RPS6KA2: variants seen among roughly 807,000 people sequenced by gnomAD.
The protein encoded by RPS6KA2 is ribosomal protein S6 kinase alpha-2.
Under a neutral mutation model 91.8 loss-of-function variants are expected in RPS6KA2, and 42 were observed. The observed-to-expected ratio is 0.46, with a 90% CI of 0.36 to 0.59. RPS6KA2 has a LOEUF of 0.59. Among genes scored for constraint, RPS6KA2 ranks in the 20% least tolerant of loss-of-function variants. The probability of loss-of-function intolerance (pLI) is 0.00; values close to 1 mark genes in which losing one functional copy is unlikely to be tolerated. For missense variants in RPS6KA2, 798 were observed against 978.5 expected, an observed-to-expected ratio of 0.82 and a Z score of 2.46; for synonymous variants, 414 against 393.6, an observed-to-expected ratio of 1.05 and a Z score of -0.61.
chr6:166,715,682 G>T (rs1273265854), intron 2 of RPS6KA2, among the ~76,000 whole-genome samples: 1 of 152,182 alleles, frequency 6.6e-6, no homozygotes, highest in African/African-American at 2.4e-5. Context: ...GCCGGAGCCT[G>T]CACACACACG....
At chr6:166,604,512 G>A (rs1026968103) in intron 1 of RPS6KA2, among the ~76,000 whole-genome samples, 6 of 152,210 alleles carry the variant, frequency 3.9e-5, no homozygotes, top group East Asian at 1.9e-4. Flanking sequence ...ACTGGGGATC[G>A]TAAGGGAGCT....
At chr6:166,471,837 C>T (rs1307139883) in intron 10 of RPS6KA2, among the ~76,000 whole-genome samples, 2 of 152,234 alleles carry the variant, frequency 1.3e-5, no homozygotes, top group African/African-American at 2.4e-5. Flanking sequence ...CCTGCTGAGG[C>T]CCCTCCGGGT....
intron 2 of RPS6KA2, among the ~76,000 whole-genome samples, chr6:166,792,152 TA>T (rs1562442393): frequency 6.6e-6 from 1 of 151,134 alleles, no homozygotes; most frequent in Non-Finnish European, 1.5e-5. Context: ...AGAGATGCAA[TA>T]AAAAGTGATA....
intron 1 of RPS6KA2, among the ~76,000 whole-genome samples, chr6:166,547,299 C>T (rs901491560): frequency 6.6e-5 from 10 of 152,162 alleles, no homozygotes; most frequent in Non-Finnish European, 1.3e-4. Flanking sequence ...TTGGGCTCTG[C>T]AAGGAAAGGC....
At chr6:166,780,691 G>A (rs1246554555) in intron 2 of RPS6KA2, among the ~76,000 whole-genome samples, 1 of 152,112 alleles carries the variant, frequency 6.6e-6, no homozygotes, top group East Asian at 1.9e-4. Context: ...CCCAGATGTC[G>A]AAGGTCTCCT....
At chr6:166,504,395 A>G (rs1782125065) in intron 6 of RPS6KA2, 111 bp downstream of exon 6, 1 of 663,692 alleles carries the variant, frequency 1.5e-6, no homozygotes, top group Admixed American at 2.9e-5. Context: ...CTGCTCTCTG[A>G]TATGTCCTCA....
chr6:166,425,977 A>G (rs1778902839), intron 16 of RPS6KA2, among the ~76,000 whole-genome samples: 2 of 151,578 alleles, frequency 1.3e-5, no homozygotes, highest in Admixed American at 1.3e-4. Context: ...AGAACTCTCC[A>G]CCCCAAATCA....
At position 166,784,692 on chromosome 6, in the gene RPS6KA2, C is replaced by T. The variant is rs6908557; in HGVS notation, c.123+73508G>A. Among the ~76,000 whole-genome samples the T allele has an allele frequency of 5.4e-5, 4 of 74,180 alleles. 2 individuals are homozygous for T. The highest frequency in any genetic ancestry group is 1.1e-4 in the Non-Finnish European group (4 of 38,072). The allele number at this position is 74,180 out of a possible 152,430, so 48.7% of individuals were successfully genotyped here. ...CACCTATCTATACCACATATATACA[C>T]GTGCACACCTATGCATAACCACATA... On this transcript the variant is annotated intron_variant, in intron 2 of 21. Coordinates refer to the RPS6KA2 transcript ENST00000503859.
chr6:166,809,885 C>T (rs1025359898), intron 2 of RPS6KA2, among the ~76,000 whole-genome samples: 35 of 152,214 alleles, frequency 2.3e-4, no homozygotes, highest in African/African-American at 7.2e-4. Flanking sequence ...CAGCCTTACT[C>T]GTGGCCATGT....
At chr6:166,562,144 G>A (rs1300788975) in intron 1 of RPS6KA2, among the ~76,000 whole-genome samples, 1 of 152,088 alleles carries the variant, frequency 6.6e-6, no homozygotes, top group African/African-American at 2.4e-5. Context: ...TACAGGACAC[G>A]CAGCTTGAGG....
chr6:166,512,992 G>A (rs1782522281), intron 3 of RPS6KA2, among the ~76,000 whole-genome samples: 1 of 152,104 alleles, frequency 6.6e-6, no homozygotes. Flanking sequence ...TACAGCAGGG[G>A]TGTCCAATCT....
intron 1 of RPS6KA2, among the ~76,000 whole-genome samples, chr6:166,542,036 C>T (rs1447831112): frequency 1.3e-5 from 2 of 152,212 alleles, no homozygotes; most frequent in Non-Finnish European, 1.5e-5. Flanking sequence ...TTAGCTTGAA[C>T]TTGCTGGAGG....
At chr6:166,844,804 C>A (rs1389425597) in intron 2 of RPS6KA2, among the ~76,000 whole-genome samples, 1 of 152,026 alleles carries the variant, frequency 6.6e-6, no homozygotes, top group South Asian at 2.1e-4. Context: ...TCTAAATACA[C>A]CAAAATAGAA....
chr6:166,547,935 C>T (rs1247475066), intron 1 of RPS6KA2, among the ~76,000 whole-genome samples: 2 of 152,236 alleles, frequency 1.3e-5, no homozygotes, highest in South Asian at 2.1e-4. Context: ...AGGGACCTCA[C>T]TCCTCAGAAT....
At chr6:166,456,447 G>A (rs1780109705) in intron 12 of RPS6KA2, among the ~76,000 whole-genome samples, 1 of 152,232 alleles carries the variant, frequency 6.6e-6, no homozygotes, top group Non-Finnish European at 1.5e-5. Context: ...GGTCCTGTGG[G>A]TATTTCCTGA....
Position 166,420,789 on chromosome 6 carries a change from T to G in RPS6KA2, c.1744-831A>C, listed in dbSNP as rs182746319. On this transcript the variant is annotated intron_variant, in intron 17 of 20. Coordinates refer to ENST00000265678, the MANE Select transcript of RPS6KA2 (RefSeq NM_021135.6). ...TTCTGGGCTACGTGATAACATTTAA[T>G]TTTTTTGAAGAACTGTTAAAGCAGC... Among the ~76,000 whole-genome samples the G allele has an allele frequency of 2.3e-3, 347 of 152,320 alleles. 3 individuals carry two copies. Among genetic ancestry groups the G allele is most frequent in the African/African-American group, 8.0e-3 (333 of 41,550 alleles).
At chr6:166,479,159 T>G (rs1467939631) in intron 10 of RPS6KA2, among the ~76,000 whole-genome samples, 2 of 152,240 alleles carry the variant, frequency 1.3e-5, no homozygotes, top group African/African-American at 2.4e-5. Flanking sequence ...CAGGCATTTG[T>G]GCGCGTCTGG....
At chr6:166,650,602 C>T (rs1428285731) in intron 2 of RPS6KA2, among the ~76,000 whole-genome samples, 3 of 152,226 alleles carry the variant, frequency 2.0e-5, no homozygotes, top group Non-Finnish European at 4.4e-5. Flanking sequence ...TGTGTCCTGC[C>T]TTCACTAGGG....
chr6:166,811,223 C>A (rs1268764396), intron 2 of RPS6KA2, among the ~76,000 whole-genome samples: 3 of 152,210 alleles, frequency 2.0e-5, no homozygotes, highest in Non-Finnish European at 4.4e-5. Flanking sequence ...CACCCACTCG[C>A]TCTAGAGCCC....
Sources: allele counts gnomAD v4.1 joint callset (sites outside exome capture counted in the v4.1 genomes callset), GRCh38; gene constraint gnomAD v4.1.1; transcripts MANE v1.5; gene names NCBI Gene and HGNC (gene_info 2026-07-23, HGNC 2026-07-21).